The following PDCL3 variants were observed in gnomAD, a reference collection of about 807,000 sequenced individuals.
The protein encoded by PDCL3 is phosducin like 3, also known as phosducin-like protein 3.
A neutral mutation model predicts 26.5 loss-of-function variants in PDCL3; 22 were observed. The observed-to-expected ratio is 0.83, with a 90% CI of 0.59 to 1.19. The LOEUF (loss-of-function observed/expected upper bound fraction) is 1.19, where lower values mean the gene tolerates loss of function less well. PDCL3 is among the 50% of genes most tolerant of loss of function. The probability of loss-of-function intolerance (pLI) is 0.00; values close to 1 mark genes in which losing one functional copy is unlikely to be tolerated. For missense variants in PDCL3, 246 were observed against 294.1 expected (o/e 0.84, Z 1.20); for synonymous variants, 81 against 104.9 (o/e 0.77, Z 1.39).
chr2:100,571,000 G>C (rs1245646150), intron 4 of PDCL3, among the ~76,000 whole-genome samples: 6 of 149,476 alleles, frequency 4.0e-5, no homozygotes, highest in African/African-American at 1.5e-4. Flanking sequence ...GCTGGGCATG[G>C]TGGCTTACAC....
chr2:100,572,140 TAATG>T (rs2104396066), intron 5 of PDCL3: 2 of 279,396 alleles, frequency 7.2e-6, no homozygotes, highest in Admixed American at 5.0e-5. Flanking sequence ...AGGGAGACGT[TAATG>T]TATGTATTTG....
At chr2:100,568,682 G>A (rs1219528010) in intron 2 of PDCL3, among the ~76,000 whole-genome samples, 1 of 152,074 alleles carries the variant, frequency 6.6e-6, no homozygotes, top group African/African-American at 2.4e-5. Flanking sequence ...TAGGAGAAGA[G>A]AGGGGAGGAG....
Position 100,569,652 on chromosome 2 carries a change from A to G in PDCL3, c.299A>G (p.Lys100Arg). 1 of 1,614,134 alleles carries G rather than the reference A, an allele frequency of 6.2e-7. No homozygotes were observed. Among genetic ancestry groups the G allele is most frequent in the Non-Finnish European group, 8.5e-7 (1 of 1,180,006 alleles). The change falls in exon 4 of 6, where the codon AAG (lysine) becomes AGG (arginine). Residue 100 changes from lysine (K) to arginine (R), a missense_variant. By Grantham distance (26) the Lys-to-Arg change is conservative. Transcript: ENST00000264254. ...GGAGAAGTTTTGGAGATCTCAGGGA[A>G]GGATTATGTTCAAGAAGTTACCAAA... is the stretch of plus-strand genomic sequence containing the variant. ...KFGEVLEISG[K>R]DYVQEVTKAG...
At chr2:100,566,656 C>T (rs1391405358) in intron 2 of PDCL3, 27 bp downstream of exon 2, 1 of 1,612,600 alleles carries the variant, frequency 6.2e-7, no homozygotes, top group Non-Finnish European at 8.5e-7. Context: ...TCCTCTGCAC[C>T]TGTCTGGGTT....
chr2:100,575,038 G>A (rs1434643024), intron 5 of PDCL3, among the ~76,000 whole-genome samples: 3 of 152,200 alleles, frequency 2.0e-5, no homozygotes, highest in Non-Finnish European at 2.9e-5. Context: ...CAAGGTTACA[G>A]TGAGCTATGA....
chr2:100,570,489 T>G (rs1675145907), intron 4 of PDCL3, among the ~76,000 whole-genome samples: 1 of 151,032 alleles, frequency 6.6e-6, no homozygotes, highest in Admixed American at 6.6e-5. Context: ...TTTTTTTTTT[T>G]TTTGTTTGAG....
At chr2:100,573,295 T>C (rs922939787) in intron 5 of PDCL3, among the ~76,000 whole-genome samples, 9 of 152,200 alleles carry the variant, frequency 5.9e-5, no homozygotes, top group Admixed American at 5.2e-4. Flanking sequence ...TGAAACTCTT[T>C]ATCTCTTTAT....
At chr2:100,563,229 G>T (rs1347024345) in intron 1 of PDCL3, 156 bp downstream of exon 1, 8 of 937,040 alleles carry the variant, frequency 8.5e-6, no homozygotes, top group Non-Finnish European at 9.1e-6. Flanking sequence ...CGCAGTGCGG[G>T]AGGCGGGCGT....
At chr2:100,571,522 G>A in intron 4 of PDCL3, 68 bp from the exon 5 acceptor site, 3 of 1,396,638 alleles carry the variant, frequency 2.1e-6, no homozygotes, top group East Asian at 2.3e-5. Context: ...GGGTAGAAGG[G>A]TCATTGAGCT....
At chr2:100,570,216 A>G (rs1158289173) in intron 4 of PDCL3, among the ~76,000 whole-genome samples, 5 of 152,198 alleles carry the variant, frequency 3.3e-5, no homozygotes, top group Non-Finnish European at 5.9e-5. Context: ...ATAATTTGTG[A>G]CTAATATGAA....
intron 5 of PDCL3, 88 bp downstream of exon 5, chr2:100,571,886 C>T (rs941951090): frequency 1.1e-5 from 14 of 1,283,914 alleles, no homozygotes; most frequent in African/African-American, 4.6e-5. Context: ...ACTCCTGTTA[C>T]GATGGTGGGT....
At chr2:100,571,455 T>C (rs1675167702) in intron 4 of PDCL3, 135 bp from the exon 5 acceptor site, 1 of 786,978 alleles carries the variant, frequency 1.3e-6, no homozygotes, top group Middle Eastern at 2.4e-4. Flanking sequence ...AAAAACATGT[T>C]AATTCATCTT....
At chr2:100,575,408 T>G (rs1044580117) in intron 5 of PDCL3, among the ~76,000 whole-genome samples, 2 of 152,234 alleles carry the variant, frequency 1.3e-5, no homozygotes, top group Non-Finnish European at 2.9e-5. Flanking sequence ...GTGCTGGGAT[T>G]ACAGGCATGT....
rs1558700063 is a variant in PDCL3, at chr2:100,576,352, A to G, written c.578-2A>G. 6.2e-7 allele frequency: 1 copy of G among 1,601,840 alleles called. No individual in the cohort carries two copies. The highest frequency in any genetic ancestry group is 8.5e-7 in the Non-Finnish European group (1 of 1,175,104). On this transcript the variant is annotated splice_acceptor_variant, in intron 5 of 5. Transcript: ENST00000264254. LOFTEE classifies it high-confidence loss of function. ...GCAATTTGCTTTTTCTTTACCATAT[A>G]GAGTTGGAATGGAAACTGTCTGAAT...
intron 1 of PDCL3, among the ~76,000 whole-genome samples, chr2:100,565,879 T>C (rs1675050348): frequency 6.6e-6 from 1 of 152,182 alleles, no homozygotes; most frequent in African/African-American, 2.4e-5. Flanking sequence ...TTCAGTTTTA[T>C]CTGTTGAATG....
intron 1 of PDCL3, 147 bp downstream of exon 1, chr2:100,563,220 G>C (rs1359105399): frequency 1.1e-5 from 11 of 1,015,790 alleles, no homozygotes; most frequent in African/African-American, 1.0e-4. Flanking sequence ...CTGCGCAGGC[G>C]CAGTGCGGGA....
At chr2:100,566,109 T>C (rs375353249) in intron 1 of PDCL3, among the ~76,000 whole-genome samples, 8 of 152,180 alleles carry the variant, frequency 5.3e-5, no homozygotes, top group African/African-American at 1.7e-4. Context: ...TTCACCGTGT[T>C]AGTCAGGATG....
Position 100,571,932 on chromosome 2 carries a change from A to G in PDCL3, c.577+134A>G, listed in dbSNP as rs189087977. On this transcript the variant is annotated intron_variant, in intron 5 of 5. Transcript: ENST00000264254. Reference sequence around the variant, plus strand: ...TCTGCCTGTGTATGAGGACGGAAGCACGTTTAATCTCTCATCTTAGTTGCG... The same window carrying G: ...TCTGCCTGTGTATGAGGACGGAAGCGCGTTTAATCTCTCATCTTAGTTGCG... 1,945 of 823,992 alleles carry G rather than the reference A, an allele frequency of 2.4e-3. 7 individuals are homozygous for G. Among genetic ancestry groups the G allele is most frequent in the Middle Eastern group, 0.014 (60 of 4,330 alleles). The allele number at this position is 823,992 out of a possible 1,614,324, so 51.0% of individuals were successfully genotyped here.
chr2:100,573,402 G>A (rs1448276014), intron 5 of PDCL3, among the ~76,000 whole-genome samples: 1 of 151,898 alleles, frequency 6.6e-6, no homozygotes, highest in African/African-American at 2.4e-5. Flanking sequence ...GGCCGGGTGC[G>A]GTGGCTCATG....
Sources: allele counts gnomAD v4.1 joint callset (sites outside exome capture counted in the v4.1 genomes callset), GRCh38; gene constraint gnomAD v4.1.1; transcripts MANE v1.5; gene names NCBI Gene and HGNC (gene_info 2026-07-23, HGNC 2026-07-21).